Variants in PRKCE observed in about 807,000 individuals in gnomAD.
PRKCE encodes the protein protein kinase C epsilon type.
PRKCE carries 16 observed loss-of-function variants against 85.4 expected under a neutral mutation model. The ratio of observed to expected loss-of-function variants is 0.19; its 90% CI spans 0.13 to 0.28. The LOEUF (loss-of-function observed/expected upper bound fraction) is 0.28, where lower values mean the gene tolerates loss of function less well. Among genes scored for constraint, PRKCE ranks in the 10% least tolerant of loss-of-function variants. The probability of loss-of-function intolerance (pLI) is 1.00; values close to 1 mark genes in which losing one functional copy is unlikely to be tolerated. For synonymous variants in PRKCE, 388 were observed against 371.5 expected (o/e 1.04, Z -0.51); for missense variants, 573 against 975.2 (o/e 0.59, Z 5.49).
At chr2:45,891,228 A>T (rs1695698053) in intron 2 of PRKCE, among the ~76,000 whole-genome samples, 1 of 152,236 alleles carries the variant, frequency 6.6e-6, no homozygotes, top group African/African-American at 2.4e-5. Context: ...GAACTTTGAT[A>T]CGTACCATTC....
chr2:45,662,716 T>C (rs113763682), intron 1 of PRKCE, among the ~76,000 whole-genome samples: 39 of 152,066 alleles, frequency 2.6e-4, no homozygotes, highest in African/African-American at 9.2e-4. Flanking sequence ...TCTTTGCCTT[T>C]CTTCTTTGTT....
intron 1 of PRKCE, among the ~76,000 whole-genome samples, chr2:45,715,715 G>A (rs973136426): frequency 1.3e-4 from 20 of 152,304 alleles, no homozygotes; most frequent in Admixed American, 7.8e-4. Context: ...GATTATCTGT[G>A]GGTGGATTCT....
At chr2:45,964,438 G>A (rs1197476421) in intron 2 of PRKCE, among the ~76,000 whole-genome samples, 9 of 152,228 alleles carry the variant, frequency 5.9e-5, no homozygotes, top group Admixed American at 1.3e-4. Context: ...CCCTTGGCTG[G>A]TGCCCCACTT....
In PRKCE at chr2:46,159,832, A is replaced by G; in HGVS notation, c.2067+80A>G. On this transcript the variant is annotated intron_variant, in intron 14 of 14. Transcript: ENST00000306156. The surrounding 1 kb of genome is among the most constrained non-coding windows in gnomAD (Gnocchi z 4.1). The stretch of plus-strand genomic sequence containing the variant: ...GGACAGGCTGCGTGCACCCAGGAAG[A>G]GTTGGTCAGGGGATGCGTATTACAG... The G allele has an allele frequency of 6.4e-7, 1 of 1,556,942 alleles. No individual in the cohort carries two copies. The highest frequency in any genetic ancestry group is 1.2e-5 in the South Asian group (1 of 86,298).
chr2:46,068,650 C>T lies in PRKCE; in HGVS notation c.1438-17558C>T, dbSNP rs1667825314. Among the ~76,000 whole-genome samples the T allele has an allele frequency of 6.6e-6, 1 of 152,180 alleles. No homozygotes were observed. Among genetic ancestry groups the T allele is most frequent in the South Asian group, 2.1e-4 (1 of 4,832 alleles). On this transcript the variant is annotated intron_variant, in intron 10 of 14. Coordinates refer to ENST00000306156, the MANE Select transcript of PRKCE (RefSeq NM_005400.3). The surrounding 1 kb of genome is among the most constrained non-coding windows in gnomAD (Gnocchi z 4.3). The stretch of plus-strand genomic sequence containing the variant: ...TGTAGTTTAAGGATTGCCGTGAATT[C>T]AGAAGCAGAAGAATTCTCCAAGGGC...
At chr2:46,095,951 T>A (rs1670642042) in intron 11 of PRKCE, among the ~76,000 whole-genome samples, 1 of 152,236 alleles carries the variant, frequency 6.6e-6, no homozygotes, top group Non-Finnish European at 1.5e-5. Flanking sequence ...CACACCAACC[T>A]TATACAGTAG....
At position 45,733,848 on chromosome 2, in the gene PRKCE, C is replaced by T. The variant is rs1309838829; in HGVS notation, c.348+81400C>T. 2.0e-5 allele frequency among the ~76,000 whole-genome samples: 3 copies of T among 152,336 alleles called. No individual in the cohort carries two copies. The East Asian group carries it at 5.8e-4, about 29-fold the overall frequency. On this transcript the variant is annotated intron_variant, in intron 1 of 14. Coordinates refer to ENST00000306156, the MANE Select transcript of PRKCE (RefSeq NM_005400.3). ...TTCTGCTCTGCAAGTCATAAGGCCA[C>T]TTGGGGCCTGCTGGCCCCTGCCTTC... is the stretch of plus-strand genomic sequence containing the variant.
intron 10 of PRKCE, among the ~76,000 whole-genome samples, chr2:46,084,718 CAAA>C (rs11314680): frequency 4.3e-4 from 40 of 92,210 alleles, no homozygotes; most frequent in Admixed American, 9.8e-4. Context: ...GAGACTCCAT[CAAA>C]AAAAAAAAAA....
At chr2:45,957,125 G>C (rs1444735562) in intron 2 of PRKCE, among the ~76,000 whole-genome samples, 1 of 152,204 alleles carries the variant, frequency 6.6e-6, no homozygotes, top group Non-Finnish European at 1.5e-5. Flanking sequence ...AACAGCAGAG[G>C]TTATTAATTT....
At chr2:45,820,517 G>C (rs1026879081) in intron 1 of PRKCE, among the ~76,000 whole-genome samples, 59 of 152,230 alleles carry the variant, frequency 3.9e-4, no homozygotes, top group African/African-American at 1.4e-3. Flanking sequence ...GGGGGTGGGA[G>C]ACAGTTGGGA....
chr2:45,867,527 C>T (rs1693706712), intron 2 of PRKCE, among the ~76,000 whole-genome samples: 1 of 152,082 alleles, frequency 6.6e-6, no homozygotes, highest in African/African-American at 2.4e-5. Context: ...CATGGGACTG[C>T]TTTTATTTGG....
rs914389704 is a variant in PRKCE at position 46,145,320 on chromosome 2, C to T, written c.1731+89C>T. 6.3e-5 allele frequency: 95 copies of T among 1,505,172 alleles called. No homozygotes were observed. Among genetic ancestry groups the T allele is most frequent in the Non-Finnish European group, 8.4e-5 (93 of 1,106,356 alleles). The allele number at this position is 1,505,172 out of a possible 1,614,324, so 93.2% of individuals were successfully genotyped here. A position where few individuals can be genotyped will look rare whatever the true frequency, so the allele number is the denominator to read the frequency against. ...CATGCACTGGGGTCATCTAGTGGTG[C>T]TGGGGGAAGGCTCTGGAAATCCAGG... is the stretch of plus-strand genomic sequence containing the variant. On this transcript the variant is annotated intron_variant, in intron 12 of 14. Transcript: ENST00000306156. This position sits in a 1 kb window ranked among gnomAD's most constrained non-coding sequence, Gnocchi z 4.6.
At chr2:45,780,886 C>T (rs1686128801) in intron 1 of PRKCE, among the ~76,000 whole-genome samples, 2 of 152,226 alleles carry the variant, frequency 1.3e-5, no homozygotes, top group South Asian at 4.1e-4. Flanking sequence ...GCTAGCTCAT[C>T]CCGTTGACAC....
At chr2:45,904,961 C>T (rs1696863837) in intron 2 of PRKCE, among the ~76,000 whole-genome samples, 1 of 152,174 alleles carries the variant, frequency 6.6e-6, no homozygotes, top group Non-Finnish European at 1.5e-5. Context: ...GGGCGTGGAC[C>T]ATGGAGAGCT....
intron 2 of PRKCE, chr2:45,851,597 A>G (rs1032798890): frequency 2.6e-5 from 4 of 152,210 alleles, no homozygotes; most frequent in African/African-American, 9.7e-5. Context: ...TTTCTTTCCC[A>G]TGTATGTGCA....
chr2:45,799,011 CA>C (rs576658516), intron 1 of PRKCE, among the ~76,000 whole-genome samples: 5 of 152,014 alleles, frequency 3.3e-5, no homozygotes, highest in Non-Finnish European at 5.9e-5. Flanking sequence ...ACTAAAAATA[CA>C]AAAATTAGCC....
At chr2:45,790,068 T>C (rs1686918812) in intron 1 of PRKCE, among the ~76,000 whole-genome samples, 1 of 152,022 alleles carries the variant, frequency 6.6e-6, no homozygotes, top group South Asian at 2.1e-4. Flanking sequence ...TCACAAGTGG[T>C]TTGTGGAAAG....
At chr2:45,681,099 G>A (rs572902810) in intron 1 of PRKCE, among the ~76,000 whole-genome samples, 2 of 152,000 alleles carry the variant, frequency 1.3e-5, no homozygotes, top group African/African-American at 4.8e-5. Flanking sequence ...GACCAGCCTG[G>A]CCAAGATGCT....
intron 1 of PRKCE, among the ~76,000 whole-genome samples, chr2:45,714,413 A>C (rs1399283817): frequency 6.6e-6 from 1 of 152,268 alleles, no homozygotes; most frequent in Non-Finnish European, 1.5e-5. Context: ...TAAGTGTTCC[A>C]GGAAGAGGAA....
Sources: gnomAD v4.1 joint callset for allele counts (sites outside exome capture counted in the v4.1 genomes callset) on GRCh38, gnomAD v4.1.1 for gene constraint, Gnocchi (gnomAD v3.1) non-coding constraint, MANE v1.5 for transcripts, NCBI Gene and HGNC (gene_info 2026-07-23, HGNC 2026-07-21) for gene names.